NCOA1: variants seen among roughly 807,000 people sequenced by gnomAD.
NCOA1 encodes nuclear receptor coactivator 1, also known as Hin-2 protein.
In NCOA1, 35 loss-of-function variants were observed where a neutral mutation model predicts 150.9. That is an observed-to-expected ratio of 0.23 (90% CI 0.18 to 0.31). The LOEUF is 0.31. Among genes scored for constraint, NCOA1 ranks in the 10% least tolerant of loss-of-function variants. The pLI, the probability that NCOA1 is intolerant of heterozygous loss-of-function variation, is 1.00. For missense variants in NCOA1, 1,491 were observed against 1,749.3 expected, an observed-to-expected ratio of 0.85 and a Z score of 2.63; for synonymous variants, 590 against 630.0, an observed-to-expected ratio of 0.94 and a Z score of 0.95.
At chr2:24,654,535 A>G (rs1558876492) in intron 4 of NCOA1, among the ~76,000 whole-genome samples, 2 of 152,188 alleles carry the variant, frequency 1.3e-5, no homozygotes, top group Non-Finnish European at 2.9e-5. Flanking sequence ...TACTAAGATG[A>G]GAAAGATTGT....
chr2:24,634,859 G>A (rs2148441007), intron 3 of NCOA1, among the ~76,000 whole-genome samples: 1 of 152,044 alleles, frequency 6.6e-6, no homozygotes, highest in East Asian at 1.9e-4. Context: ...GGGACTACAG[G>A]CACACACCAC....
At chr2:24,551,277 A>G (rs1237657274) in intron 1 of NCOA1, among the ~76,000 whole-genome samples, 1 of 152,154 alleles carries the variant, frequency 6.6e-6, no homozygotes, top group Non-Finnish European at 1.5e-5. Flanking sequence ...TCATTTTTGC[A>G]TTGTCCAAAT....
At chr2:24,545,164 T>C (rs1457333822) in intron 1 of NCOA1, among the ~76,000 whole-genome samples, 2 of 152,102 alleles carry the variant, frequency 1.3e-5, no homozygotes, top group African/African-American at 4.8e-5. Flanking sequence ...CTAATACCAC[T>C]CTCCAATAGA....
At chr2:24,641,558 T>C (rs1408127148) in intron 3 of NCOA1, among the ~76,000 whole-genome samples, 1 of 152,126 alleles carries the variant, frequency 6.6e-6, no homozygotes, top group East Asian at 1.9e-4. Flanking sequence ...AGATTATGTT[T>C]GGTTATATGA....
chr2:24,619,643 G>C (rs1669034054), intron 3 of NCOA1, among the ~76,000 whole-genome samples: 1 of 152,158 alleles, frequency 6.6e-6, no homozygotes, highest in Non-Finnish European at 1.5e-5. Context: ...TTGTTTTTCA[G>C]TAAGAGATAG....
At chr2:24,673,600 G>T in intron 7 of NCOA1, 137 bp downstream of exon 7, 1 of 527,562 alleles carries the variant, frequency 1.9e-6, no homozygotes, top group Non-Finnish European at 3.3e-6. Context: ...ATTTTATTAT[G>T]AGAACTATTT....
intron 1 of NCOA1, among the ~76,000 whole-genome samples, chr2:24,516,990 A>ATACGTGTATATATACGTATATC (rs1225367215): frequency 1.9e-5 from 1 of 52,452 alleles, no homozygotes; most frequent in Non-Finnish European, 5.7e-5. Flanking sequence ...ATACGTATAT[A>ATACGTGTATATATACGTATATC]TATACACACG....
chr2:24,516,993 TAC>T lies in NCOA1; in HGVS notation c.-396+25396_-396+25397del, dbSNP rs1558758724. Reference sequence around the variant, plus strand: ...ATATATACACATATACGTATATATATACACACGCGCGCACACACACACACACA... The same window carrying T: ...ATATATACACATATACGTATATATATACACGCGCGCACACACACACACACA... On this transcript the variant is annotated intron_variant, in intron 1 of 22. Coordinates refer to ENST00000348332, the MANE Select transcript of NCOA1 (RefSeq NM_003743.5). Among the ~76,000 whole-genome samples, 92 of 14,016 alleles carry T rather than the reference TAC, an allele frequency of 6.6e-3. 1 individual carries two copies. The East Asian group carries it at 0.14, about 22-fold the overall frequency. The allele number at this position is 14,016 out of a possible 152,430, so 9.2% of individuals were successfully genotyped here.
chr2:24,571,678 C>T (rs1290037983), intron 2 of NCOA1, among the ~76,000 whole-genome samples: 3 of 152,124 alleles, frequency 2.0e-5, no homozygotes, highest in African/African-American at 7.2e-5. Flanking sequence ...AAGGAGTTCA[C>T]CTTTTAAAGA....
At chr2:24,747,791 A>G (rs1664010707) in intron 19 of NCOA1, among the ~76,000 whole-genome samples, 1 of 150,274 alleles carries the variant, frequency 6.7e-6, no homozygotes, top group South Asian at 2.1e-4. Context: ...CAAAAAACCC[A>G]CCCTCTAGAG....
At chr2:24,705,514 G>A (rs1420826712) in intron 12 of NCOA1, among the ~76,000 whole-genome samples, 1 of 152,160 alleles carries the variant, frequency 6.6e-6, no homozygotes, top group African/African-American at 2.4e-5. Context: ...CATTCCATAT[G>A]TGAATCTTAT....
At chr2:24,618,734 A>T (rs115304742) in intron 3 of NCOA1, among the ~76,000 whole-genome samples, 6 of 151,684 alleles carry the variant, frequency 4.0e-5, no homozygotes, top group Non-Finnish European at 7.4e-5. Flanking sequence ...TATTCAATAA[A>T]CAGTTCATTG....
chr2:24,606,350 T>C (rs1045508952), intron 3 of NCOA1, among the ~76,000 whole-genome samples: 2 of 152,016 alleles, frequency 1.3e-5, no homozygotes, highest in African/African-American at 4.8e-5. Context: ...GATTCTCCTG[T>C]CTCAGCCTCC....
At chr2:24,519,297 A>T (rs189749442) in intron 1 of NCOA1, among the ~76,000 whole-genome samples, 27 of 152,320 alleles carry the variant, frequency 1.8e-4, no homozygotes, top group Admixed American at 1.6e-3. Flanking sequence ...AATTGAAAAA[A>T]GCCAGTCACA....
chr2:24,691,582 C>A lies in NCOA1; in HGVS notation c.634C>A (p.Gln212Lys). The part of the protein sequence containing the change: ...HPPDEPGTEN[Q>K]EACQRYEVMQ... ...TCCAGATGAGCCAGGGACCGAGAAC[C>A]AAGAAGCTTGCCAGCGTTATGAAGT... is the stretch of plus-strand genomic sequence containing the variant. The change falls in exon 9 of 23, where the codon CAA becomes AAA. Residue 212 changes from glutamine (Q) to lysine (K), a missense_variant. By Grantham distance (53) the Gln-to-Lys change is moderately conservative. Around this residue, in one of 8 missense-constraint regions of NCOA1, gnomAD observed 99 missense variants for 122.8 expected, o/e 0.81. Transcript: ENST00000348332. 1 of 1,614,080 alleles carries A rather than the reference C, an allele frequency of 6.2e-7. No individual in the cohort carries two copies. The highest frequency in any genetic ancestry group is 8.5e-7 in the Non-Finnish European group (1 of 1,180,008).
intron 1 of NCOA1, among the ~76,000 whole-genome samples, chr2:24,547,318 T>C (rs1377356461): frequency 2.0e-5 from 3 of 152,208 alleles, no homozygotes; most frequent in Admixed American, 6.5e-5. Flanking sequence ...AAACCTCTTT[T>C]TTGTGTCATT....
rs1666905101 is a variant in NCOA1 at position 24,575,207 on chromosome 2, A to AT, written c.-259-9269_-259-9268insT. Among the ~76,000 whole-genome samples the AT allele has an allele frequency of 2.0e-5, 3 of 151,836 alleles. No individual in the cohort carries two copies. The South Asian group carries it at 6.2e-4, about 32-fold the overall frequency. ...TTTTCTCCTTTGTGCTTCATTTTGG[A>AT]AATCTTCTATTGCTATATCTTTAAG... On this transcript the variant is annotated intron_variant, in intron 2 of 22. Transcript: ENST00000348332.
intron 4 of NCOA1, among the ~76,000 whole-genome samples, chr2:24,653,672 T>G (rs897238627): frequency 7.2e-5 from 11 of 152,164 alleles, no homozygotes; most frequent in African/African-American, 2.7e-4. Context: ...TAATTGTAAC[T>G]TATAGCACAT....
chr2:24,503,923 C>T (rs966247653), intron 1 of NCOA1, among the ~76,000 whole-genome samples: 25 of 151,882 alleles, frequency 1.6e-4, no homozygotes, highest in African/African-American at 5.3e-4. Context: ...TTAGTAGAGA[C>T]GGGGTTTCAC....
Sources: allele counts gnomAD v4.1 joint callset (sites outside exome capture counted in the v4.1 genomes callset), GRCh38; gene constraint gnomAD v4.1.1; regional missense constraint gnomAD v4.1.1; transcripts MANE v1.5; gene names NCBI Gene and HGNC (gene_info 2026-07-23, HGNC 2026-07-21).